Variants in DYRK1A observed in about 807,000 individuals in gnomAD.
DYRK1A encodes the protein dual specificity tyrosine phosphorylation regulated kinase 1A.
Under a neutral mutation model 79.7 loss-of-function variants are expected in DYRK1A, and 9 were observed. The observed-to-expected ratio is 0.11, with a 90% CI of 0.07 to 0.20. The LOEUF is 0.20. DYRK1A is among the 10% of genes least tolerant of loss of function. The pLI is 1.00. For synonymous variants in DYRK1A, 349 were observed against 329.7 expected (o/e 1.06, Z -0.63); for missense variants, 622 against 956.0 (o/e 0.65, Z 4.61).
At chr21:37,421,637 T>C (rs1454708029) in intron 2 of DYRK1A, 1 of 152,146 alleles carries the variant, frequency 6.6e-6, no homozygotes, top group Non-Finnish European at 1.5e-5. Flanking sequence ...TGCTCGCTGA[T>C]TGTTAAAAGC....
At chr21:37,488,447 G>T in intron 6 of DYRK1A, 1 of 723,826 alleles carries the variant, frequency 1.4e-6, no homozygotes, top group Non-Finnish European at 1.7e-6. Context: ...TCTTGTCTTT[G>T]AACTTTAAAA....
intron 3 of DYRK1A, among the ~76,000 whole-genome samples, chr21:37,474,990 A>G (rs534769654): frequency 6.6e-6 from 1 of 152,352 alleles, no homozygotes; most frequent in South Asian, 2.1e-4. Flanking sequence ...ATATAAATAA[A>G]ATGAAATAGG....
chr21:37,379,758 G>T (rs1010728161), intron 1 of DYRK1A, among the ~76,000 whole-genome samples: 1 of 152,072 alleles, frequency 6.6e-6, no homozygotes, highest in African/African-American at 2.4e-5. Context: ...CTTAGTATTT[G>T]CCTGAAAAAA....
chr21:37,453,991 A>G (rs2051546328), intron 2 of DYRK1A, among the ~76,000 whole-genome samples: 1 of 151,628 alleles, frequency 6.6e-6, no homozygotes, highest in African/African-American at 2.4e-5. Context: ...GTCAATATAA[A>G]ATAAGGTTAT....
At chr21:37,478,922 G>A (rs1350551557) in intron 4 of DYRK1A, among the ~76,000 whole-genome samples, 2 of 152,122 alleles carry the variant, frequency 1.3e-5, no homozygotes, top group African/African-American at 4.8e-5. Flanking sequence ...TTGGTGTTTT[G>A]CCACCGAAAA....
intron 1 of DYRK1A, among the ~76,000 whole-genome samples, chr21:37,398,074 A>T (rs1053774650): frequency 1.5e-4 from 17 of 109,758 alleles, no homozygotes; most frequent in African/African-American, 4.1e-4. Context: ...TCTTAAAAAA[A>T]AAATATATAT....
At chr21:37,442,568 T>C (rs535672615) in intron 2 of DYRK1A, among the ~76,000 whole-genome samples, 1 of 152,260 alleles carries the variant, frequency 6.6e-6, no homozygotes, top group Admixed American at 6.5e-5. Context: ...TTTATTTCCA[T>C]TTCTATTTCA....
At chr21:37,382,285 G>C (rs1240268183) in intron 1 of DYRK1A, among the ~76,000 whole-genome samples, 1 of 151,398 alleles carries the variant, frequency 6.6e-6, no homozygotes, top group Non-Finnish European at 1.5e-5. Flanking sequence ...TTGTTGCCCA[G>C]GCTGGTCCAA....
At chr21:37,402,523 T>G (rs1013554777) in intron 1 of DYRK1A, among the ~76,000 whole-genome samples, 1 of 152,214 alleles carries the variant, frequency 6.6e-6, no homozygotes, top group African/African-American at 2.4e-5. Flanking sequence ...TCTGGCTGCT[T>G]TCAAGATTTT....
intron 2 of DYRK1A, among the ~76,000 whole-genome samples, chr21:37,466,114 T>C (rs966711644): frequency 6.6e-6 from 1 of 152,250 alleles, no homozygotes; most frequent in Non-Finnish European, 1.5e-5. Context: ...ACTACCTGTT[T>C]CTTTGTAATT....
At chr21:37,477,938 T>G (rs2052458580) in intron 3 of DYRK1A, among the ~76,000 whole-genome samples, 1 of 152,240 alleles carries the variant, frequency 6.6e-6, no homozygotes, top group African/African-American at 2.4e-5. Context: ...ATGTCTGCAT[T>G]TCTACCACTT....
intron 1 of DYRK1A, among the ~76,000 whole-genome samples, chr21:37,415,996 CTG>C (rs2050331146): frequency 1.3e-5 from 2 of 152,058 alleles, no homozygotes; most frequent in South Asian, 4.1e-4. Context: ...TCTTGCATCT[CTG>C]TATTTTCTCA....
chr21:37,414,355 C>T (rs911358794), intron 1 of DYRK1A, among the ~76,000 whole-genome samples: 5 of 152,040 alleles, frequency 3.3e-5, no homozygotes, highest in Non-Finnish European at 7.4e-5. Context: ...TACCATTAGT[C>T]GTGTGTGATT....
At chr21:37,410,552 T>C (rs1408109944) in intron 1 of DYRK1A, 1 of 152,252 alleles carries the variant, frequency 6.6e-6, no homozygotes, top group Non-Finnish European at 1.5e-5. Flanking sequence ...TTAGAGACAC[T>C]TTCACTTTGT....
intron 2 of DYRK1A, among the ~76,000 whole-genome samples, chr21:37,427,979 A>C (rs1228419624): frequency 6.6e-6 from 1 of 151,962 alleles, no homozygotes; most frequent in Non-Finnish European, 1.5e-5. Context: ...TTGAACCCTT[A>C]CTAGATGCCA....
At chr21:37,487,511 C>A (rs2052914973) in intron 6 of DYRK1A, 2 of 152,100 alleles carry the variant, frequency 1.3e-5, no homozygotes, top group Admixed American at 1.3e-4. Flanking sequence ...GTTAAGTATT[C>A]ATATAAGATG....
At chr21:37,467,646 A>T (rs2052076040) in intron 2 of DYRK1A, among the ~76,000 whole-genome samples, 1 of 152,230 alleles carries the variant, frequency 6.6e-6, no homozygotes, top group Admixed American at 6.5e-5. Flanking sequence ...AATAAAAGTC[A>T]GCATCTATTC....
intron 1 of DYRK1A, among the ~76,000 whole-genome samples, chr21:37,371,961 C>T (rs1569273368): frequency 1.3e-5 from 2 of 152,006 alleles, no homozygotes; most frequent in Admixed American, 6.5e-5. Context: ...TCACAAAAAG[C>T]TTTTCCGTAT....
At chr21:37,483,525 C>G (rs1601241750) in intron 5 of DYRK1A, among the ~76,000 whole-genome samples, 1 of 152,084 alleles carries the variant, frequency 6.6e-6, no homozygotes, top group Non-Finnish European at 1.5e-5. Flanking sequence ...ATTATAACCT[C>G]TTTTTCTTCT....
Sources: allele counts gnomAD v4.1 joint callset (sites outside exome capture counted in the v4.1 genomes callset), GRCh38; gene constraint gnomAD v4.1.1; transcripts MANE v1.5; gene names NCBI Gene and HGNC (gene_info 2026-07-23, HGNC 2026-07-21).